ETS1: variants seen among roughly 807,000 people sequenced by gnomAD.
The protein encoded by ETS1 is protein C-ets-1.
ETS1 carries 15 observed loss-of-function variants against 58.6 expected under a neutral mutation model. The ratio of observed to expected loss-of-function variants is 0.26; its 90% confidence interval spans 0.17 to 0.39. ETS1 has a LOEUF of 0.39. Ranked by LOEUF, ETS1 falls within the 10% of genes least tolerant of loss-of-function variation. The pLI is 1.00. For missense variants in ETS1, 417 were observed against 610.5 expected, an observed-to-expected ratio of 0.68 and a Z score of 3.34; for synonymous variants, 214 against 218.2, an observed-to-expected ratio of 0.98 and a Z score of 0.17.
intron 3 of ETS1, among the ~76,000 whole-genome samples, chr11:128,539,254 G>C (rs1370276963): frequency 6.6e-6 from 1 of 152,152 alleles, no homozygotes; most frequent in East Asian, 1.9e-4. Flanking sequence ...CATCCAGAAA[G>C]TAAAAAGACA....
At chr11:128,538,131 GA>G (rs879879407) in intron 3 of ETS1, among the ~76,000 whole-genome samples, 57 of 150,416 alleles carry the variant, frequency 3.8e-4, no homozygotes, top group African/African-American at 1.0e-3. Flanking sequence ...CAAGAAAAGT[GA>G]AAAAAAAATT....
At chr11:128,545,251 C>T (rs777127318) in intron 3 of ETS1, among the ~76,000 whole-genome samples, 31 of 152,074 alleles carry the variant, frequency 2.0e-4, no homozygotes, top group Non-Finnish European at 4.1e-4. Context: ...CCTTTTACAT[C>T]CCTGTGGAAT....
chr11:128,554,105 A>G (rs760444189), intron 3 of ETS1, among the ~76,000 whole-genome samples: 6 of 152,190 alleles, frequency 3.9e-5, no homozygotes, highest in Non-Finnish European at 8.8e-5. Context: ...GAGCTGGACC[A>G]CAGCCCAGAA....
At chr11:128,513,594 TTAA>T (rs35258253) in intron 3 of ETS1, among the ~76,000 whole-genome samples, 8,604 of 152,326 alleles carry the variant, frequency 0.056, 324 homozygotes, top group East Asian at 0.14. Flanking sequence ...ATTTCGTGTC[TTAA>T]TGATGTGAGA....
intron 3 of ETS1, among the ~76,000 whole-genome samples, chr11:128,555,162 C>A (rs1172361398): frequency 6.6e-6 from 1 of 152,170 alleles, no homozygotes; most frequent in East Asian, 1.9e-4. Flanking sequence ...AGAAACCAGG[C>A]AAATGGAAAG....
At chr11:128,516,531 G>A (rs1392705212) in intron 3 of ETS1, among the ~76,000 whole-genome samples, 1 of 152,086 alleles carries the variant, frequency 6.6e-6, no homozygotes, top group East Asian at 1.9e-4. Flanking sequence ...TAACTCTTCG[G>A]GAAAATGCTC....
intron 1 of ETS1, among the ~76,000 whole-genome samples, chr11:128,580,467 T>C (rs1864843567): frequency 1.3e-5 from 2 of 152,232 alleles, no homozygotes; most frequent in South Asian, 2.1e-4. Flanking sequence ...AGATCCATCA[T>C]ATCTAGGAAA....
At position 128,549,287 on chromosome 11, in the gene ETS1, G is replaced by A. The variant is rs376043679; in HGVS notation, c.214+7004C>T. Among the ~76,000 whole-genome samples the A allele has an allele frequency of 6.8e-4, 75 of 110,580 alleles. 1 individual carries two copies. In the East Asian group the frequency reaches 0.015, roughly 22 times the overall value. 72.5% of individuals were successfully genotyped at this position (110,580 alleles called of 152,430 possible). ...CCTCGCCCCTCGCCCCTCGCCCCTC[G>A]CCCCTCTCCTGGGCTCCGGCTCCCA... On this transcript the variant is annotated intron_variant, in intron 3 of 9. Coordinates refer to ENST00000392668, the MANE Select transcript of ETS1 (RefSeq NM_001143820.2). This position sits in a 1 kb window ranked among gnomAD's most constrained non-coding sequence, Gnocchi z 4.3.
intron 8 of ETS1, among the ~76,000 whole-genome samples, chr11:128,473,869 C>A (rs1862252320): frequency 6.6e-6 from 1 of 152,202 alleles, no homozygotes; most frequent in African/African-American, 2.4e-5. Flanking sequence ...CCTTTCCCAA[C>A]AGAGGTGATG....
At chr11:128,546,097 A>T (rs138154751) in intron 3 of ETS1, among the ~76,000 whole-genome samples, 39 of 152,366 alleles carry the variant, frequency 2.6e-4, no homozygotes, top group African/African-American at 7.9e-4. Flanking sequence ...TCAGCTAAGA[A>T]TATCCACCTG....
intron 3 of ETS1, among the ~76,000 whole-genome samples, chr11:128,505,779 A>G (rs1863212414): frequency 6.6e-6 from 1 of 152,154 alleles, no homozygotes; most frequent in East Asian, 1.9e-4. Flanking sequence ...AAAGGGAGAG[A>G]CTGGGATGTG....
At chr11:128,485,326 TGATGAA>T (rs1295007521) in intron 6 of ETS1, among the ~76,000 whole-genome samples, 29 of 152,172 alleles carry the variant, frequency 1.9e-4, no homozygotes, top group East Asian at 7.7e-4. Context: ...CGGAGCACTG[TGATGAA>T]GATGAAATGA....
intron 3 of ETS1, among the ~76,000 whole-genome samples, chr11:128,530,664 G>A (rs1232925776): frequency 2.6e-5 from 4 of 152,154 alleles, no homozygotes; most frequent in African/African-American, 9.7e-5. Flanking sequence ...GGAGGGGTGG[G>A]AGGAGGTGCA....
chr11:128,489,262 CCA>C lies in ETS1; in HGVS notation c.535+26_535+27del, dbSNP rs1188862125. The C allele has an allele frequency of 1.9e-6, 3 of 1,603,234 alleles. No homozygotes were observed. The South Asian group carries it at 3.3e-5, about 18-fold the overall frequency. On this transcript the variant is annotated intron_variant, in intron 5 of 9. Transcript: ENST00000392668. ...CTCTCACAGCAACCCCACATAACCTCCACCTCTCTCTGTTTCCACATATTTAC... is the reference window on the plus strand; with the variant it reads ...CTCTCACAGCAACCCCACATAACCTCCCTCTCTCTGTTTCCACATATTTAC...
In ETS1 at chr11:128,464,355, G is replaced by GACACACACAC. The variant is rs58228263; in HGVS notation, c.1124-738_1124-729dup. ...CATAGGTTCAGTATATTCTAAATTA[G>GACACACACAC]ACACACACACACACACACACACACA... is the stretch of plus-strand genomic sequence containing the variant. On this transcript the variant is annotated intron_variant, in intron 8 of 9. Coordinates refer to ENST00000392668, the MANE Select transcript of ETS1 (RefSeq NM_001143820.2). The surrounding 1 kb of genome is among the most constrained non-coding windows in gnomAD (Gnocchi z 4.1). 4.8e-4 allele frequency among the ~76,000 whole-genome samples: 70 copies of GACACACACAC among 145,010 alleles called. No homozygotes were observed. In the South Asian group the frequency reaches 5.5e-3, roughly 11 times the overall value.
At position 128,522,156 on chromosome 11, in the gene ETS1, C is replaced by A; in HGVS notation, c.215-31580G>T. 5 of 1,290,760 alleles carry A rather than the reference C, an allele frequency of 3.9e-6. No homozygotes were observed. The South Asian group carries it at 9.8e-5, about 25-fold the overall frequency. 80.0% of individuals were successfully genotyped at this position (1,290,760 alleles called of 1,614,324 possible). On this transcript the variant is annotated intron_variant, in intron 3 of 9. Transcript: ENST00000392668. ...TGCCTTTCTTTCCCCCGCGCCCGGA[C>A]GGTGCGCGCCCGGCACTCCAGGGGA...
rs1235808703 is a variant in ETS1 at position 128,459,978 on chromosome 11, G to A, written c.*2383C>T. On this transcript the variant is annotated 3_prime_UTR_variant, in exon 10 of 10. Transcript: ENST00000392668. ...AAACAGCAAGCAATAATTGATACCC[G>A]GCCCTGGTTCTACTCTTACCCATTA... The A allele has an allele frequency of 1.3e-5, 2 of 152,170 alleles. No homozygotes were observed. Among genetic ancestry groups the A allele is most frequent in the African/African-American group, 4.8e-5 (2 of 41,336 alleles). 9.4% of individuals were successfully genotyped at this position (152,170 alleles called of 1,614,324 possible). A position where few individuals can be genotyped will look rare whatever the true frequency, so the allele number is the denominator to read the frequency against.
chr11:128,573,168 G>T (rs1449153904), intron 1 of ETS1, 24 bp from the exon 2 acceptor site: 38 of 1,502,892 alleles, frequency 2.5e-5, no homozygotes, highest in Non-Finnish European at 3.4e-5. Flanking sequence ...GGCGTTGGCT[G>T]AGCCTCTGGA....
chr11:128,467,049 G>A (rs1862057537), intron 8 of ETS1, among the ~76,000 whole-genome samples: 1 of 152,188 alleles, frequency 6.6e-6, no homozygotes, highest in Non-Finnish European at 1.5e-5. Context: ...GGCCGCTGAA[G>A]CGTCCCCTCT....
Sources: allele counts gnomAD v4.1 joint callset (sites outside exome capture counted in the v4.1 genomes callset), GRCh38; gene constraint gnomAD v4.1.1; non-coding constraint Gnocchi (gnomAD v3.1); transcripts MANE v1.5; gene names NCBI Gene and HGNC (gene_info 2026-07-23, HGNC 2026-07-21).